The following KLF15 variants were observed in gnomAD, a reference collection of about 807,000 sequenced individuals.
KLF15 encodes the protein Krueppel-like factor 15.
Under a neutral mutation model 24.6 loss-of-function variants are expected in KLF15, and 4 were observed. The ratio of observed to expected loss-of-function variants is 0.16; its 90% CI spans 0.08 to 0.37. KLF15 has a LOEUF of 0.37. Ranked by LOEUF, KLF15 falls within the 10% of genes least tolerant of loss-of-function variation. KLF15 has a pLI of 1.00. For synonymous variants in KLF15, 246 were observed against 236.3 expected (o/e 1.04, Z -0.37); for missense variants, 496 against 560.6 (o/e 0.88, Z 1.16).
the KLF15 span, among the ~76,000 whole-genome samples, chr3:126,326,358 G>A: frequency 6.6e-6 from 1 of 151,802 alleles, no homozygotes; most frequent in African/African-American, 2.4e-5. Context: ...AAAGTCATTG[G>A]TAGCTTGATG....
chr3:126,306,036 C>T, the KLF15 span, among the ~76,000 whole-genome samples: 4 of 152,188 alleles, frequency 2.6e-5, no homozygotes, highest in Non-Finnish European at 4.4e-5. Flanking sequence ...TGGAGGCTAA[C>T]CCCTGAGGCA....
At chr3:126,305,949 T>C in the KLF15 span, among the ~76,000 whole-genome samples, 1 of 152,224 alleles carries the variant, frequency 6.6e-6, no homozygotes, top group Non-Finnish European at 1.5e-5. Context: ...TCCAGAAGAA[T>C]TGTGCTTGGC....
At chr3:126,323,415 A>ATATATAAAACATATATATGT in the KLF15 span, among the ~76,000 whole-genome samples, 1 of 36,838 alleles carries the variant, frequency 2.7e-5, no homozygotes, top group African/African-American at 1.2e-4. Context: ...ATATATATAT[A>ATATATAAAACATATATATGT]TATATATATA....
the KLF15 span, among the ~76,000 whole-genome samples, chr3:126,312,172 A>G: frequency 6.6e-6 from 1 of 151,978 alleles, no homozygotes; most frequent in African/African-American, 2.4e-5. Flanking sequence ...GTATCTAAGA[A>G]CCTGAGTCTT....
At chr3:126,310,462 C>G in the KLF15 span, among the ~76,000 whole-genome samples, 9 of 152,242 alleles carry the variant, frequency 5.9e-5, no homozygotes, top group South Asian at 1.9e-3. Flanking sequence ...TACAAAGAGC[C>G]CCTACTAAGT....
At chr3:126,331,562 C>A in the KLF15 span, among the ~76,000 whole-genome samples, 1 of 152,182 alleles carries the variant, frequency 6.6e-6, no homozygotes, top group Non-Finnish European at 1.5e-5. Flanking sequence ...TATGTTAAGG[C>A]ACAGATGCTA....
the KLF15 span, among the ~76,000 whole-genome samples, chr3:126,323,489 CATAT>C: frequency 5.0e-3 from 326 of 64,892 alleles, 6 homozygotes; most frequent in Non-Finnish European, 7.5e-3. Context: ...ATATATATAA[CATAT>C]ATATATATAA....
chr3:126,304,375 T>G, the KLF15 span, among the ~76,000 whole-genome samples: 3 of 152,196 alleles, frequency 2.0e-5, no homozygotes, highest in East Asian at 5.8e-4. Context: ...GACTGGCTGG[T>G]GGAAACAGGC....
the KLF15 span, among the ~76,000 whole-genome samples, chr3:126,327,592 T>A: frequency 6.6e-6 from 1 of 152,066 alleles, no homozygotes; most frequent in African/African-American, 2.4e-5. Flanking sequence ...GCTGTTGAGG[T>A]CTGCAGTCTT....
At chr3:126,331,605 G>A in the KLF15 span, among the ~76,000 whole-genome samples, 22 of 152,276 alleles carry the variant, frequency 1.4e-4, 2 homozygotes, top group South Asian at 3.1e-3. Flanking sequence ...TGTCTAGTGG[G>A]GGGGAGGAGC....
the KLF15 span, among the ~76,000 whole-genome samples, chr3:126,310,367 G>T: frequency 6.6e-6 from 1 of 152,208 alleles, no homozygotes; most frequent in African/African-American, 2.4e-5. Context: ...ACTCAGGGAG[G>T]TTTCACTCCT....
chr3:126,315,562 C>T, the KLF15 span, among the ~76,000 whole-genome samples: 1 of 152,070 alleles, frequency 6.6e-6, no homozygotes, highest in Non-Finnish European at 1.5e-5. Context: ...TCAGGGGGGA[C>T]AGGAGGAGAG....
intron 1 of KLF15, among the ~76,000 whole-genome samples, chr3:126,355,831 C>T (rs537301185): frequency 2.6e-5 from 4 of 152,354 alleles, no homozygotes; most frequent in Non-Finnish European, 5.9e-5. Context: ...AAGGGGGAAG[C>T]ACCCAGGCAC....
chr3:126,296,821 G>T, the KLF15 span, among the ~76,000 whole-genome samples: 1 of 152,214 alleles, frequency 6.6e-6, no homozygotes, highest in Admixed American at 6.5e-5. Context: ...ATTTTGAGGG[G>T]ATATTCATCT....
At chr3:126,345,419 C>T (rs569032312) in intron 2 of KLF15, among the ~76,000 whole-genome samples, 1 of 152,088 alleles carries the variant, frequency 6.6e-6, no homozygotes, top group Non-Finnish European at 1.5e-5. Context: ...AGAGTGGGCA[C>T]AGCAAGCAGC....
At chr3:126,355,948 C>T (rs1466713659) in intron 1 of KLF15, among the ~76,000 whole-genome samples, 1 of 152,192 alleles carries the variant, frequency 6.6e-6, no homozygotes, top group Non-Finnish European at 1.5e-5. Context: ...GCACGTGGGG[C>T]GGCCAGAGGC....
downstream of KLF15, among the ~76,000 whole-genome samples, chr3:126,341,314 C>A (rs1008624905): frequency 6.6e-6 from 1 of 152,220 alleles, no homozygotes; most frequent in African/African-American, 2.4e-5. Flanking sequence ...GGGAGGTGAG[C>A]AGCGTGTCCG....
At chr3:126,306,258 A>T in the KLF15 span, among the ~76,000 whole-genome samples, 1 of 152,104 alleles carries the variant, frequency 6.6e-6, no homozygotes, top group African/African-American at 2.4e-5. Context: ...CTTTCCTTTG[A>T]AGGACTAAAC....
the KLF15 span, among the ~76,000 whole-genome samples, chr3:126,315,553 CA>C: frequency 1.5e-4 from 23 of 152,178 alleles, no homozygotes; most frequent in South Asian, 4.2e-4. Flanking sequence ...AGAGGGAAGT[CA>C]GGGGGGACAG....
Sources: gnomAD v4.1 joint callset for allele counts (sites outside exome capture counted in the v4.1 genomes callset) on GRCh38, gnomAD v4.1.1 for gene constraint, MANE v1.5 for transcripts, NCBI Gene and HGNC (gene_info 2026-07-23, HGNC 2026-07-21) for gene names.